Variants in GSG1L observed in about 807,000 individuals in gnomAD.
GSG1L encodes the protein germ cell-specific gene 1-like protein.
Under a neutral mutation model 42.1 loss-of-function variants are expected in GSG1L, and 24 were observed. That is an observed-to-expected ratio of 0.57 (90% confidence interval 0.41 to 0.80). GSG1L has a LOEUF of 0.80. GSG1L is among the 30% of genes least tolerant of loss of function. GSG1L has a pLI of 0.00. For missense variants in GSG1L, 445 were observed against 472.2 expected (o/e 0.94, Z 0.53); for synonymous variants, 215 against 203.5 (o/e 1.06, Z -0.48).
At position 27,884,652 on chromosome 16, in the gene GSG1L, G is replaced by T; in HGVS notation, c.398-14C>A. 1 of 1,566,178 alleles carries T rather than the reference G, an allele frequency of 6.4e-7. No individual in the cohort carries two copies. The highest frequency in any genetic ancestry group is 8.7e-7 in the Non-Finnish European group (1 of 1,155,134). On this transcript the variant is annotated splice_polypyrimidine_tract_variant and intron_variant, in intron 2 of 6. Coordinates refer to ENST00000447459, the MANE Select transcript of GSG1L (RefSeq NM_001109763.2). This position sits in a 1 kb window ranked among gnomAD's most constrained non-coding sequence, Gnocchi z 4.4. Reference sequence around the variant, plus strand: ...GCCACAGGACCCCTGTCCAACAGAGGCAGAGAGGCCGTGAGATGAGGGGCC... The same window carrying T: ...GCCACAGGACCCCTGTCCAACAGAGTCAGAGAGGCCGTGAGATGAGGGGCC...
intron 1 of GSG1L, among the ~76,000 whole-genome samples, chr16:27,987,108 T>C (rs1261210057): frequency 6.6e-6 from 1 of 151,460 alleles, no homozygotes; most frequent in Non-Finnish European, 1.5e-5. Flanking sequence ...TCCCAGCTAC[T>C]CAGCAGGCTG....
At chr16:27,811,160 T>TTAA (rs1223107045) in intron 5 of GSG1L, among the ~76,000 whole-genome samples, 2 of 152,232 alleles carry the variant, frequency 1.3e-5, no homozygotes, top group Non-Finnish European at 2.9e-5. Context: ...TTTTTCAGAA[T>TTAA]TAATACTTTT....
At chr16:28,035,843 T>C (rs1164718630) in intron 1 of GSG1L, among the ~76,000 whole-genome samples, 1 of 152,122 alleles carries the variant, frequency 6.6e-6, no homozygotes, top group East Asian at 1.9e-4. Flanking sequence ...ATGACAGTGG[T>C]TCTCCCAGCT....
chr16:27,922,031 T>C (rs142481610), intron 2 of GSG1L, among the ~76,000 whole-genome samples: 234 of 148,758 alleles, frequency 1.6e-3, no homozygotes, highest in Non-Finnish European at 2.5e-3. Flanking sequence ...CCTGAGTCCA[T>C]TATGTCCTTC....
chr16:28,045,334 G>A (rs563155060), intron 1 of GSG1L, among the ~76,000 whole-genome samples: 10 of 152,300 alleles, frequency 6.6e-5, no homozygotes, highest in Admixed American at 2.6e-4. Flanking sequence ...GATATGGGAT[G>A]TGTCGATACT....
chr16:28,011,080 C>T (rs2085712186), intron 1 of GSG1L, among the ~76,000 whole-genome samples: 1 of 152,208 alleles, frequency 6.6e-6, no homozygotes, highest in South Asian at 2.1e-4. Context: ...TGTACACACG[C>T]CCAGATGGCT....
intron 6 of GSG1L, among the ~76,000 whole-genome samples, chr16:27,800,502 T>C (rs953878607): frequency 6.6e-6 from 1 of 152,200 alleles, no homozygotes; most frequent in African/African-American, 2.4e-5. Flanking sequence ...GAAAGGAAGA[T>C]GCAGACACCT....
chr16:27,894,023 G>A (rs917327651), intron 2 of GSG1L, among the ~76,000 whole-genome samples: 3 of 152,240 alleles, frequency 2.0e-5, no homozygotes, highest in Admixed American at 2.0e-4. Flanking sequence ...AAAGTGCAGG[G>A]ATTATGGGCA....
At chr16:28,004,887 G>T (rs1372273387) in intron 1 of GSG1L, among the ~76,000 whole-genome samples, 1 of 152,118 alleles carries the variant, frequency 6.6e-6, no homozygotes, top group Non-Finnish European at 1.5e-5. Context: ...AACAAAAACA[G>T]CCAGAGAGCC....
chr16:28,059,556 G>A lies in GSG1L; in HGVS notation c.349+3520C>T, dbSNP rs776732440. On this transcript the variant is annotated intron_variant, in intron 1 of 6. Coordinates refer to ENST00000447459, the MANE Select transcript of GSG1L (RefSeq NM_001109763.2). The surrounding 1 kb of genome is among the most constrained non-coding windows in gnomAD (Gnocchi z 4.4). Reference sequence around the variant, plus strand: ...AGGATGAAGTCCAACGCATGTGGACGTCACCTGTGCTCCCAGCTGGCACAA... The same window carrying A: ...AGGATGAAGTCCAACGCATGTGGACATCACCTGTGCTCCCAGCTGGCACAA... 7.9e-5 allele frequency among the ~76,000 whole-genome samples: 12 copies of A among 151,130 alleles called. No individual in the cohort carries two copies. The highest frequency in any genetic ancestry group is 1.3e-4 in the Non-Finnish European group (9 of 67,908).
At chr16:27,855,442 G>A (rs567216968) in intron 3 of GSG1L, among the ~76,000 whole-genome samples, 13 of 152,224 alleles carry the variant, frequency 8.5e-5, no homozygotes, top group South Asian at 2.1e-4. Context: ...CAACGGGGCC[G>A]GAAGCAGTGT....
intron 1 of GSG1L, among the ~76,000 whole-genome samples, chr16:27,981,587 G>T (rs1220789054): frequency 6.6e-6 from 1 of 152,118 alleles, no homozygotes; most frequent in Non-Finnish European, 1.5e-5. Flanking sequence ...ATGATATTTT[G>T]ATTTATTTAT....
At chr16:27,869,047 G>A (rs2083768247) in intron 3 of GSG1L, among the ~76,000 whole-genome samples, 1 of 152,232 alleles carries the variant, frequency 6.6e-6, no homozygotes, top group South Asian at 2.1e-4. Context: ...AAGGAGGAAG[G>A]CAGATGTGAG....
chr16:27,898,595 C>G lies in GSG1L; in HGVS notation c.398-13957G>C, dbSNP rs78580996. Among the ~76,000 whole-genome samples the G allele has an allele frequency of 5.0e-3, 768 of 152,106 alleles. 9 individuals are homozygous for G. Among genetic ancestry groups the G allele is most frequent in the African/African-American group, 0.018 (727 of 41,470 alleles). ...TCTTCTCCTCTCTCTGTTTCTCTCT[C>G]CACTTGACCTTAGCCAAAAGGCCAA... On this transcript the variant is annotated intron_variant, in intron 2 of 6. Coordinates refer to ENST00000447459, the MANE Select transcript of GSG1L (RefSeq NM_001109763.2).
chr16:27,805,859 C>T (rs184685145), intron 6 of GSG1L, among the ~76,000 whole-genome samples: 3 of 151,758 alleles, frequency 2.0e-5, no homozygotes, highest in African/African-American at 4.8e-5. Flanking sequence ...GCTTGCTTTT[C>T]GGGCCACAGT....
intron 5 of GSG1L, among the ~76,000 whole-genome samples, chr16:27,811,949 T>A (rs1212434201): frequency 2.6e-5 from 4 of 152,062 alleles, no homozygotes; most frequent in African/African-American, 9.7e-5. Context: ...CCATGCCTGG[T>A]CTCTCCTGGT....
chr16:27,813,106 T>C (rs1218968949), intron 5 of GSG1L, among the ~76,000 whole-genome samples: 1 of 152,102 alleles, frequency 6.6e-6, no homozygotes, highest in Admixed American at 6.5e-5. Context: ...TAACTTGCAT[T>C]TTAGATTCAG....
chr16:27,988,017 A>C (rs1490252275), intron 1 of GSG1L, among the ~76,000 whole-genome samples: 1 of 152,006 alleles, frequency 6.6e-6, no homozygotes, highest in East Asian at 1.9e-4. Flanking sequence ...AGTAATTTCA[A>C]ATCTTAAAGT....
intron 1 of GSG1L, among the ~76,000 whole-genome samples, chr16:28,015,120 GCCTTCTTTGCCTGGGCAAGGAA>G (rs1281013580): frequency 1.3e-5 from 2 of 152,214 alleles, no homozygotes; most frequent in African/African-American, 4.8e-5. Flanking sequence ...GGCAGAGAGT[GCCTTCTTTGCCTGGGCAAGGAA>G]CCAGGAAATT....
Sources: allele counts gnomAD v4.1 joint callset (sites outside exome capture counted in the v4.1 genomes callset), GRCh38; gene constraint gnomAD v4.1.1; non-coding constraint Gnocchi (gnomAD v3.1); transcripts MANE v1.5; gene names NCBI Gene and HGNC (gene_info 2026-07-23, HGNC 2026-07-21).